ANKRD36: variants seen among roughly 807,000 people sequenced by gnomAD.
ANKRD36 encodes ankyrin repeat domain 36, also known as ankyrin repeat domain-containing protein 36A.
A neutral mutation model predicts 278.1 loss-of-function variants in ANKRD36; 179 were observed. That is an observed-to-expected ratio of 0.64 (90% CI 0.57 to 0.73). The LOEUF (loss-of-function observed/expected upper bound fraction) is 0.73. Among genes scored for constraint, ANKRD36 ranks in the 30% least tolerant of loss-of-function variants. ANKRD36 has a pLI of 0.00. For missense variants in ANKRD36, 1,159 were observed against 1,956.7 expected (o/e 0.59, Z 7.69); for synonymous variants, 320 against 641.1 (o/e 0.50, Z 7.57).
chr2:97,193,915 G>T (rs978484358), intron 38 of ANKRD36, among the ~76,000 whole-genome samples: 12 of 151,554 alleles, frequency 7.9e-5, no homozygotes, highest in Non-Finnish European at 1.8e-4. Flanking sequence ...TCCAATTAAC[G>T]CCTAAAATAG....
At chr2:97,120,463 C>A in intron 3 of ANKRD36, among the ~76,000 whole-genome samples, 1 of 88,624 alleles carries the variant, frequency 1.1e-5, no homozygotes, top group African/African-American at 2.7e-5. Flanking sequence ...TTATATTTTC[C>A]CTAAAATAAA....
At chr2:97,198,078 A>C (rs2060283935) in intron 42 of ANKRD36, among the ~76,000 whole-genome samples, 1 of 151,858 alleles carries the variant, frequency 6.6e-6, no homozygotes, top group African/African-American at 2.4e-5. Context: ...AATCCTTTTG[A>C]TTTGTTGCAT....
chr2:97,149,393 C>T (rs2045296208), intron 12 of ANKRD36, 32 bp downstream of exon 12: 1 of 1,460,026 alleles, frequency 6.8e-7, no homozygotes, highest in Non-Finnish European at 9.1e-7. Context: ...TTAATTTTCT[C>T]CCTCTGAATC....
intron 46 of ANKRD36, among the ~76,000 whole-genome samples, chr2:97,201,728 G>A (rs1414672058): frequency 2.0e-5 from 3 of 152,034 alleles, no homozygotes; most frequent in Middle Eastern, 3.4e-3. Context: ...TTCAACTGAA[G>A]CATCATCGCA....
intron 64 of ANKRD36, 78 bp from the exon 65 acceptor site, chr2:97,218,972 A>G: frequency 6.5e-7 from 1 of 1,527,334 alleles, no homozygotes; most frequent in Non-Finnish European, 8.8e-7. Flanking sequence ...ATTCAGTTTG[A>G]TGCTAACACT....
intron 22 of ANKRD36, among the ~76,000 whole-genome samples, chr2:97,171,004 C>A (rs2052319297): frequency 6.6e-6 from 1 of 151,598 alleles, no homozygotes; most frequent in African/African-American, 2.4e-5. Flanking sequence ...CTGTGAGATA[C>A]CATCTCACAC....
chr2:97,123,775 T>C (rs1375735680), intron 4 of ANKRD36, among the ~76,000 whole-genome samples: 1 of 146,820 alleles, frequency 6.8e-6, no homozygotes, highest in Non-Finnish European at 1.5e-5. Flanking sequence ...ATATAATATA[T>C]AATATATACA....
chr2:97,187,494 G>GGGGGTC, intron 32 of ANKRD36, 93 bp downstream of exon 32: 7 of 95,518 alleles, frequency 7.3e-5, no homozygotes, highest in South Asian at 1.4e-4. Context: ...GGGTGGGGGG[G>GGGGGTC]CTCGCCGAAG....
Position 97,207,914 on chromosome 2 carries a change from T to C in ANKRD36, c.3193-20T>C. Reference sequence around the variant, plus strand: ...AAACATACTTTATTAATTTATTATTTCATTTGAAATTCCATTCAGGCTACA... The same window carrying C: ...AAACATACTTTATTAATTTATTATTCCATTTGAAATTCCATTCAGGCTACA... On this transcript the variant is annotated intron_variant, in intron 53 of 75. Coordinates refer to ENST00000420699, the MANE Select transcript of ANKRD36 (RefSeq NM_001354587.1). The C allele has an allele frequency of 1.3e-6, 2 of 1,535,324 alleles. No homozygotes were observed. Among genetic ancestry groups the C allele is most frequent in the Non-Finnish European group, 1.8e-6 (2 of 1,139,058 alleles).
chr2:97,142,285 C>T (rs533817896), intron 6 of ANKRD36, among the ~76,000 whole-genome samples: 3 of 152,328 alleles, frequency 2.0e-5, no homozygotes, highest in South Asian at 4.1e-4. Context: ...ACAGCATGTA[C>T]CACCTGCTTT....
intron 44 of ANKRD36, among the ~76,000 whole-genome samples, chr2:97,199,651 G>A (rs1173306503): frequency 6.6e-6 from 1 of 151,902 alleles, no homozygotes; most frequent in Admixed American, 6.6e-5. Flanking sequence ...TTTTTATTGA[G>A]GCTAATATAT....
At chr2:97,206,214 G>A in intron 52 of ANKRD36, 79 bp downstream of exon 52, 2 of 1,386,050 alleles carry the variant, frequency 1.4e-6, no homozygotes, top group Non-Finnish European at 9.7e-7. Flanking sequence ...ATCAGCGGGG[G>A]GCTCATCGAA....
In ANKRD36 at chr2:97,128,300, A is replaced by T. The variant is rs2443917; in HGVS notation, c.799+1166A>T. On this transcript the variant is annotated intron_variant, in intron 6 of 75. Transcript: ENST00000420699. ...GTGACAAAACCCTGGGAATGTCAAC[A>T]TTCCCTCCCAACCCCCAGGAAAAAA... Among the ~76,000 whole-genome samples the T allele has an allele frequency of 6.7e-3, 1,017 of 152,038 alleles. 53 individuals carry two copies. In the East Asian group the frequency reaches 0.11, roughly 16 times the overall value.
intron 52 of ANKRD36, 76 bp downstream of exon 52, chr2:97,206,211 G>T: frequency 3.6e-6 from 5 of 1,400,180 alleles, no homozygotes; most frequent in Non-Finnish European, 4.8e-6. Context: ...TAAATCAGCG[G>T]GGGGCTCATC....
At chr2:97,138,544 A>C (rs943427779) in intron 6 of ANKRD36, among the ~76,000 whole-genome samples, 1 of 152,108 alleles carries the variant, frequency 6.6e-6, no homozygotes, top group African/African-American at 2.4e-5. Flanking sequence ...TATACCCATC[A>C]AACTATCATT....
intron 22 of ANKRD36, among the ~76,000 whole-genome samples, chr2:97,175,207 G>A (rs1305590356): frequency 6.7e-6 from 1 of 149,198 alleles, no homozygotes; most frequent in Non-Finnish European, 1.5e-5. Flanking sequence ...AATGGTACCA[G>A]TTCCTCCTTG....
chr2:97,170,655 G>A (rs1235207869), intron 22 of ANKRD36, among the ~76,000 whole-genome samples: 1 of 151,872 alleles, frequency 6.6e-6, no homozygotes, highest in Non-Finnish European at 1.5e-5. Flanking sequence ...AGGACTTCAT[G>A]TCCAAAACAC....
At chr2:97,140,376 T>C (rs1302051657) in intron 6 of ANKRD36, among the ~76,000 whole-genome samples, 3 of 151,986 alleles carry the variant, frequency 2.0e-5, no homozygotes, top group African/African-American at 2.4e-5. Context: ...AGTGGTTTTA[T>C]GTGTAGTTAA....
At position 97,122,978 on chromosome 2, in the gene ANKRD36, T is replaced by C. The variant is rs1374374259; in HGVS notation, c.578T>C (p.Ile193Thr). 6.5e-7 allele frequency: 1 copy of C among 1,541,222 alleles called. No homozygotes were observed. Among genetic ancestry groups the C allele is most frequent in the Non-Finnish European group, 8.8e-7 (1 of 1,140,740 alleles). Residue 193 changes from isoleucine (I) to threonine (T), a missense_variant, in exon 4 of 76, where the codon ATT (isoleucine) becomes ACT (threonine). By Grantham distance (89) the Ile-to-Thr change is moderately conservative. Coordinates refer to ENST00000420699, the MANE Select transcript of ANKRD36 (RefSeq NM_001354587.1). ...LLKKKANVNA[I>T]DYLGRSALIH... ...AAGAAAAAAGCAAATGTAAATGCCA[T>C]TGATTATCTTGGCAGGTACAGACCT...
Sources: allele counts gnomAD v4.1 joint callset (sites outside exome capture counted in the v4.1 genomes callset), GRCh38; gene constraint gnomAD v4.1.1; transcripts MANE v1.5; gene names NCBI Gene and HGNC (gene_info 2026-07-23, HGNC 2026-07-21).